OR51B5: variants seen among roughly 807,000 people sequenced by gnomAD.
The protein encoded by OR51B5 is olfactory receptor 51B5.
For missense variants in OR51B5, 456 were observed against 374.6 expected (o/e 1.22, Z -1.79); for synonymous variants, 186 against 144.8 (o/e 1.28, Z -2.04).
At chr11:5,348,639 G>A (rs77894190) in intron 1 of OR51B5, among the ~76,000 whole-genome samples, 8 of 152,076 alleles carry the variant, frequency 5.3e-5, no homozygotes. Flanking sequence ...TTGTGTAACA[G>A]GCATCCACTA....
chr11:5,456,216 G>C (rs1408907744), intron 1 of OR51B5: 1 of 152,180 alleles, frequency 6.6e-6, no homozygotes, highest in African/African-American at 2.4e-5. Context: ...GTGTAACATA[G>C]AAAGGGCAAG....
chr11:5,360,120 CAACAAAAGCCAAAATG>C (rs1564920603), intron 1 of OR51B5, among the ~76,000 whole-genome samples: 2 of 151,708 alleles, frequency 1.3e-5, no homozygotes, highest in African/African-American at 4.8e-5. Context: ...AAAGCAATGG[CAACAAAAGCCAAAATG>C]GACAAATGGG....
At chr11:5,411,214 CTGT>C (rs1170889471) in intron 1 of OR51B5, among the ~76,000 whole-genome samples, 3 of 152,132 alleles carry the variant, frequency 2.0e-5, no homozygotes, top group Non-Finnish European at 4.4e-5. Flanking sequence ...CATTGTTTAT[CTGT>C]TGTAGCATTT....
In OR51B5 at chr11:5,418,311, C is replaced by T. The variant is rs561606038; in HGVS notation, n.85-71401G>A. On this transcript the variant is annotated intron_variant and non_coding_transcript_variant, in intron 1 of 4. Coordinates refer to the OR51B5 transcript ENST00000415970. ...GGGAGATATACCTAATGCTAGATGA[C>T]GAGTTAGTGGGTGCAGCGCACCAGC... Among the ~76,000 whole-genome samples the T allele has an allele frequency of 2.6e-4, 40 of 151,914 alleles. 4 individuals are homozygous for T. In the South Asian group the frequency reaches 6.0e-3, roughly 23 times the overall value.
At chr11:5,486,509 T>C (rs909671091) in intron 1 of OR51B5, among the ~76,000 whole-genome samples, 2 of 152,160 alleles carry the variant, frequency 1.3e-5, no homozygotes, top group Admixed American at 6.5e-5. Context: ...GACTCTGCTT[T>C]GGGAGAGCTT....
chr11:5,459,948 T>G (rs922838962), intron 1 of OR51B5, among the ~76,000 whole-genome samples: 1 of 152,212 alleles, frequency 6.6e-6, no homozygotes, highest in African/African-American at 2.4e-5. Context: ...GCAGCACTAT[T>G]CCCAATAGCA....
At chr11:5,474,760 A>T (rs1386153908) in intron 1 of OR51B5, among the ~76,000 whole-genome samples, 1 of 152,200 alleles carries the variant, frequency 6.6e-6, no homozygotes, top group Non-Finnish European at 1.5e-5. Flanking sequence ...GAGAGAAAAA[A>T]CCACGCTGAA....
chr11:5,414,264 G>A (rs1294853186), intron 1 of OR51B5, among the ~76,000 whole-genome samples: 1 of 151,408 alleles, frequency 6.6e-6, no homozygotes, highest in South Asian at 2.1e-4. Flanking sequence ...GTCTGCCCTA[G>A]AAGAGCTCCT....
At chr11:5,401,377 TCTC>T (rs1432927476) in intron 1 of OR51B5, among the ~76,000 whole-genome samples, 2 of 152,194 alleles carry the variant, frequency 1.3e-5, no homozygotes, top group Non-Finnish European at 2.9e-5. Flanking sequence ...GTAGGTTCCT[TCTC>T]CTTCCTGAAT....
At chr11:5,354,500 G>A (rs1334512527) in intron 1 of OR51B5, among the ~76,000 whole-genome samples, 1 of 152,182 alleles carries the variant, frequency 6.6e-6, no homozygotes, top group African/African-American at 2.4e-5. Flanking sequence ...GAAAGACTGG[G>A]ACTTGCAGTT....
At chr11:5,348,496 G>C (rs1241787605), upstream of OR51B5, among the ~76,000 whole-genome samples, 2 of 152,126 alleles carry the variant, frequency 1.3e-5, no homozygotes, top group Non-Finnish European at 2.9e-5. Context: ...TAGAAAAAAA[G>C]TCACTATCTG....
chr11:5,500,438 G>A (rs749905729), intron 1 of OR51B5, among the ~76,000 whole-genome samples: 1 of 121,164 alleles, frequency 8.3e-6, no homozygotes, highest in African/African-American at 2.6e-5. Context: ...GAAAACTGTC[G>A]GTACCAAAAT....
At chr11:5,398,637 T>C (rs538162770) in intron 1 of OR51B5, among the ~76,000 whole-genome samples, 2 of 152,118 alleles carry the variant, frequency 1.3e-5, no homozygotes, top group Non-Finnish European at 2.9e-5. Flanking sequence ...ATAATCCCTA[T>C]ATGTCGGGGG....
intron 1 of OR51B5, among the ~76,000 whole-genome samples, chr11:5,420,652 CAA>C (rs35774744): frequency 0.36 from 54,610 of 151,692 alleles, 9,907 homozygotes; most frequent in Middle Eastern, 0.38. Flanking sequence ...CTGCTATTTA[CAA>C]AGTCTTCACA....
chr11:5,463,275 C>T (rs1369026868), intron 1 of OR51B5, among the ~76,000 whole-genome samples: 1 of 152,206 alleles, frequency 6.6e-6, no homozygotes, highest in African/African-American at 2.4e-5. Context: ...GCCTCCAGTA[C>T]TCTTCAAGTG....
intron 1 of OR51B5, among the ~76,000 whole-genome samples, chr11:5,457,150 T>C (rs889714535): frequency 5.9e-5 from 9 of 152,222 alleles, no homozygotes; most frequent in African/African-American, 1.9e-4. Context: ...CCCCTTCAAG[T>C]AGGCCTGAGT....
At chr11:5,397,373 A>G (rs1019076133) in intron 1 of OR51B5, among the ~76,000 whole-genome samples, 4 of 152,198 alleles carry the variant, frequency 2.6e-5, no homozygotes, top group African/African-American at 9.7e-5. Flanking sequence ...AAAAAACCCC[A>G]TCAAAAAGTG....
At chr11:5,485,112 T>TA (rs1851480777) in intron 1 of OR51B5, among the ~76,000 whole-genome samples, 1 of 152,124 alleles carries the variant, frequency 6.6e-6, no homozygotes. Flanking sequence ...TTTCCCATCA[T>TA]AGCACCCCTC....
At chr11:5,484,329 G>A (rs1318563065) in intron 1 of OR51B5, among the ~76,000 whole-genome samples, 1 of 152,082 alleles carries the variant, frequency 6.6e-6, no homozygotes, top group Non-Finnish European at 1.5e-5. Context: ...AAATAAATGG[G>A]ACCTGCTCCT....
Sources: allele counts gnomAD v4.1 joint callset (sites outside exome capture counted in the v4.1 genomes callset), GRCh38; gene constraint gnomAD v4.1.1; transcripts MANE v1.5; gene names NCBI Gene and HGNC (gene_info 2026-07-23, HGNC 2026-07-21).